BMPR2: variants seen among roughly 807,000 people sequenced by gnomAD.
BMPR2 encodes the protein bone morphogenetic protein receptor type-2.
A neutral mutation model predicts 100.8 loss-of-function variants in BMPR2; 29 were observed. The observed-to-expected ratio is 0.29, with a 90% CI of 0.21 to 0.39. The LOEUF (loss-of-function observed/expected upper bound fraction) is 0.39. Among genes scored for constraint, BMPR2 ranks in the 10% least tolerant of loss-of-function variants. The probability of loss-of-function intolerance (pLI) is 1.00; values close to 1 mark genes in which losing one functional copy is unlikely to be tolerated. For missense variants in BMPR2, 1,011 were observed against 1,274.5 expected (o/e 0.79, Z 3.15); for synonymous variants, 382 against 442.3 (o/e 0.86, Z 1.71).
intron 9 of BMPR2, among the ~76,000 whole-genome samples, chr2:202,535,591 A>G (rs1254175549): frequency 1.4e-5 from 2 of 146,484 alleles, no homozygotes; most frequent in Admixed American, 1.4e-4. Flanking sequence ...GACGCTCCCC[A>G]CTTTCCAGAC....
Position 202,385,361 on chromosome 2 carries a change from C to CTTTTT in BMPR2, c.76+7829_76+7833dup, listed in dbSNP as rs1161944548. Among the ~76,000 whole-genome samples the CTTTTT allele has an allele frequency of 7.9e-4, 68 of 86,310 alleles. 5 individuals carry two copies. The highest frequency in any genetic ancestry group is 8.8e-3 in the Middle Eastern group (1 of 114). 56.6% of individuals were successfully genotyped at this position (86,310 alleles called of 152,430 possible). On this transcript the variant is annotated intron_variant, in intron 1 of 12. Transcript: ENST00000374580. ...TTTTCTTCTAATTAAAAAAAAGATG[C>CTTTTT]TTTTTTTTTTTTTTTTTTTTTTGAG... is the stretch of plus-strand genomic sequence containing the variant.
intron 1 of BMPR2, among the ~76,000 whole-genome samples, chr2:202,455,006 G>T (rs1692064710): frequency 6.6e-6 from 1 of 152,164 alleles, no homozygotes; most frequent in South Asian, 2.1e-4. Context: ...AGCAAGCTCT[G>T]CAGTGTCTGT....
intron 9 of BMPR2, among the ~76,000 whole-genome samples, chr2:202,540,845 C>A (rs374340113): frequency 6.6e-6 from 1 of 152,020 alleles, no homozygotes; most frequent in Non-Finnish European, 1.5e-5. Context: ...TCTGTCTTGG[C>A]GTTCTTCCTT....
At position 202,495,781 on chromosome 2, in the gene BMPR2, A is replaced by G. The variant is rs1424268614; in HGVS notation, c.419-17938A>G. Among the ~76,000 whole-genome samples the G allele has an allele frequency of 6.6e-6, 1 of 152,216 alleles. No homozygotes were observed. The highest frequency in any genetic ancestry group is 1.5e-5 in the Non-Finnish European group (1 of 68,044). ...TTTTTTCATTCTCTCCAATATATGA[A>G]TTAATAATCCATTTCAGATTTTGAA... is the stretch of plus-strand genomic sequence containing the variant. On this transcript the variant is annotated intron_variant, in intron 3 of 12. Coordinates refer to ENST00000374580, the MANE Select transcript of BMPR2 (RefSeq NM_001204.7). The surrounding 1 kb of genome is among the most constrained non-coding windows in gnomAD (Gnocchi z 4.5).
At chr2:202,505,031 A>G (rs566682785) in intron 3 of BMPR2, 7 of 174,394 alleles carry the variant, frequency 4.0e-5, no homozygotes, top group African/African-American at 1.4e-4. Flanking sequence ...TGCTAGTTGG[A>G]TATCTTTTGG....
chr2:202,378,253 G>A (rs1690196499), intron 1 of BMPR2, among the ~76,000 whole-genome samples: 1 of 152,146 alleles, frequency 6.6e-6, no homozygotes. Context: ...AAGTCTAAAG[G>A]GTGGTAGTCA....
Position 202,495,022 on chromosome 2 carries a change from G to C in BMPR2, c.419-18697G>C, listed in dbSNP as rs527304901. On this transcript the variant is annotated intron_variant, in intron 3 of 12. Transcript: ENST00000374580. This position sits in a 1 kb window ranked among gnomAD's most constrained non-coding sequence, Gnocchi z 4.5. ...AGGGGACCATACAGACAGGTAGGCTGTGGGGCTCCGACCTCACAACAGTGT... is the reference window on the plus strand; with the variant it reads ...AGGGGACCATACAGACAGGTAGGCTCTGGGGCTCCGACCTCACAACAGTGT... Among the ~76,000 whole-genome samples, 1 of 152,216 alleles carries C rather than the reference G, an allele frequency of 6.6e-6. No homozygotes were observed. The highest frequency in any genetic ancestry group is 6.5e-5 in the Admixed American group (1 of 15,288).
intron 3 of BMPR2, among the ~76,000 whole-genome samples, chr2:202,488,692 C>G (rs547552997): frequency 3.3e-5 from 5 of 152,256 alleles, no homozygotes; most frequent in Non-Finnish European, 5.9e-5. Flanking sequence ...CTCGGCCTCC[C>G]AAAGTGCTAG....
intron 1 of BMPR2, among the ~76,000 whole-genome samples, chr2:202,448,360 T>G (rs570424213): frequency 1.4e-5 from 2 of 148,026 alleles, no homozygotes; most frequent in African/African-American, 2.5e-5. Flanking sequence ...GGCAGGAGAA[T>G]GGCGTGAACC....
At chr2:202,507,646 C>T (rs1481113221) in intron 3 of BMPR2, among the ~76,000 whole-genome samples, 1 of 152,134 alleles carries the variant, frequency 6.6e-6, no homozygotes, top group Admixed American at 6.5e-5. Flanking sequence ...AGCTTAGCCT[C>T]CCAAAATGCT....
chr2:202,521,183 T>C (rs1331588443), intron 7 of BMPR2, among the ~76,000 whole-genome samples: 1 of 152,178 alleles, frequency 6.6e-6, no homozygotes, highest in Non-Finnish European at 1.5e-5. Flanking sequence ...ACTCTAAAAG[T>C]TGTGCAGACA....
At chr2:202,393,930 A>AGAGAGAGATT (rs1690608218) in intron 1 of BMPR2, among the ~76,000 whole-genome samples, 1 of 128,440 alleles carries the variant, frequency 7.8e-6, no homozygotes. Flanking sequence ...AGAGAGAGAG[A>AGAGAGAGATT]GAGATTCCTG....
rs1167339921 is a variant in BMPR2, at chr2:202,376,334, C to T, written c.-1141C>T. Among the ~76,000 whole-genome samples, 1 of 147,146 alleles carries T rather than the reference C, an allele frequency of 6.8e-6. No homozygotes were observed. The highest frequency in any genetic ancestry group is 1.5e-5 in the Non-Finnish European group (1 of 66,362). Reference sequence around the variant, plus strand: ...CAGACTGGCAGCTGCGGCGACTCCCCCCTTTGTGTCTGGTCTGCTCGGAGC... The same window carrying T: ...CAGACTGGCAGCTGCGGCGACTCCCTCCTTTGTGTCTGGTCTGCTCGGAGC... On this transcript the variant is annotated 5_prime_UTR_variant, in exon 1 of 13. Transcript: ENST00000374580.
At chr2:202,546,903 G>GTGTTT (rs112692454) in intron 10 of BMPR2, among the ~76,000 whole-genome samples, 7,772 of 141,792 alleles carry the variant, frequency 0.055, 292 homozygotes, top group Middle Eastern at 0.092. Flanking sequence ...TGCCCAGCCG[G>GTGTTT]TGTTTTGTTT....
chr2:202,452,130 T>C (rs1297181292), intron 1 of BMPR2, among the ~76,000 whole-genome samples: 1 of 152,048 alleles, frequency 6.6e-6, no homozygotes, highest in Non-Finnish European at 1.5e-5. Context: ...ATTTTTATCA[T>C]CCCCCAAAGA....
rs190479254 is a variant in BMPR2 at position 202,495,243 on chromosome 2, G to A, written c.419-18476G>A. 2.0e-4 allele frequency among the ~76,000 whole-genome samples: 31 copies of A among 152,308 alleles called. No homozygotes were observed. The highest frequency in any genetic ancestry group is 7.2e-4 in the African/African-American group (30 of 41,560). Reference sequence around the variant, plus strand: ...GAGTCGGCTCACACCTGGGCTTGGAGAATGAGTGCAAGGTTTATTAGTAGA... The same window carrying A: ...GAGTCGGCTCACACCTGGGCTTGGAAAATGAGTGCAAGGTTTATTAGTAGA... On this transcript the variant is annotated intron_variant, in intron 3 of 12. Transcript: ENST00000374580. This position sits in a 1 kb window ranked among gnomAD's most constrained non-coding sequence, Gnocchi z 4.5.
chr2:202,409,662 A>G (rs1690973100), intron 1 of BMPR2, among the ~76,000 whole-genome samples: 1 of 152,246 alleles, frequency 6.6e-6, no homozygotes, highest in Non-Finnish European at 1.5e-5. Flanking sequence ...TATATAAACA[A>G]TAACACACAA....
At chr2:202,535,844 A>C (rs1373966370) in intron 9 of BMPR2, among the ~76,000 whole-genome samples, 2 of 152,198 alleles carry the variant, frequency 1.3e-5, no homozygotes, top group Admixed American at 1.3e-4. Context: ...GCACCTCGGG[A>C]GGCCGAGGCT....
rs558109690 is a variant in BMPR2, at chr2:202,472,449, C to T, written c.418+4760C>T. On this transcript the variant is annotated intron_variant, in intron 3 of 12. Coordinates refer to ENST00000374580, the MANE Select transcript of BMPR2 (RefSeq NM_001204.7). ...CAAGGTGGGTGGATCACCTGAGGTC[C>T]GGAGTTCCATGCCAGCCTGGCTACC... Among the ~76,000 whole-genome samples the T allele has an allele frequency of 3.5e-4, 54 of 152,192 alleles. 1 individual carries two copies. The highest frequency in any genetic ancestry group is 1.3e-3 in the African/African-American group (52 of 41,538).
Sources: allele counts gnomAD v4.1 joint callset (sites outside exome capture counted in the v4.1 genomes callset), GRCh38; gene constraint gnomAD v4.1.1; non-coding constraint Gnocchi (gnomAD v3.1); transcripts MANE v1.5; gene names NCBI Gene and HGNC (gene_info 2026-07-23, HGNC 2026-07-21).